Variants in KIAA1217 observed in about 807,000 individuals in gnomAD.
KIAA1217 encodes the protein KIAA1217.
Under a neutral mutation model 163.9 loss-of-function variants are expected in KIAA1217, and 88 were observed. The ratio of observed to expected loss-of-function variants is 0.54; its 90% CI spans 0.45 to 0.64. KIAA1217 has a LOEUF of 0.64. Ranked by LOEUF, KIAA1217 falls within the 30% of genes least tolerant of loss-of-function variation. The pLI, the probability that KIAA1217 is intolerant of heterozygous loss-of-function variation, is 0.00. For synonymous variants in KIAA1217, 903 were observed against 923.1 expected (o/e 0.98, Z 0.39); for missense variants, 2,372 against 2,475.0 (o/e 0.96, Z 0.88).
At chr10:24,015,388 G>T (rs1315681279) in intron 2 of KIAA1217, among the ~76,000 whole-genome samples, 4 of 152,042 alleles carry the variant, frequency 2.6e-5, no homozygotes, top group Non-Finnish European at 4.4e-5. Flanking sequence ...CTTCCATGTT[G>T]CAGCCTCCTC....
chr10:24,501,940 G>A (rs958060410), intron 9 of KIAA1217, among the ~76,000 whole-genome samples: 4 of 151,660 alleles, frequency 2.6e-5, no homozygotes, highest in Non-Finnish European at 4.4e-5. Context: ...TAGTAGAGAC[G>A]GGGTTTCACC....
intron 2 of KIAA1217, among the ~76,000 whole-genome samples, chr10:24,109,896 C>T (rs183666940): frequency 1.5e-3 from 225 of 152,342 alleles, no homozygotes; most frequent in Non-Finnish European, 1.6e-3. Context: ...GACAACGTCT[C>T]GCTCTGTTGC....
chr10:24,434,027 T>C (rs12248570), intron 4 of KIAA1217, among the ~76,000 whole-genome samples: 247 of 26,868 alleles, frequency 9.2e-3, no homozygotes, highest in African/African-American at 0.073. Context: ...CTCTCTCTCT[T>C]TTTTTTTTTT....
intron 2 of KIAA1217, among the ~76,000 whole-genome samples, chr10:24,151,296 A>G (rs2064601468): frequency 6.6e-6 from 1 of 151,844 alleles, no homozygotes; most frequent in African/African-American, 2.4e-5. Context: ...ATCTCATTGA[A>G]TCTTTATTTT....
chr10:23,883,799 C>G (rs1841056555), intron 1 of KIAA1217, among the ~76,000 whole-genome samples: 1 of 151,924 alleles, frequency 6.6e-6, no homozygotes, highest in Non-Finnish European at 1.5e-5. Context: ...CCCCCCAACT[C>G]TTGACAACAA....
At chr10:24,345,598 T>C (rs1202386399) in intron 2 of KIAA1217, among the ~76,000 whole-genome samples, 2 of 152,236 alleles carry the variant, frequency 1.3e-5, no homozygotes, top group Non-Finnish European at 2.9e-5. Context: ...AAGACTTAAC[T>C]GTGACTAAAT....
chr10:23,841,917 G>C (rs896404171), intron 1 of KIAA1217, among the ~76,000 whole-genome samples: 4 of 150,964 alleles, frequency 2.6e-5, no homozygotes, highest in African/African-American at 9.8e-5. Flanking sequence ...ACCTAGGCTG[G>C]AGTTCACTGG....
At chr10:24,074,291 G>A (rs532365246) in intron 2 of KIAA1217, among the ~76,000 whole-genome samples, 24 of 152,258 alleles carry the variant, frequency 1.6e-4, no homozygotes, top group Middle Eastern at 6.8e-3. Context: ...GAATGTTGCA[G>A]TGAGCTGAGA....
intron 1 of KIAA1217, among the ~76,000 whole-genome samples, chr10:23,759,872 A>G (rs1027126164): frequency 2.0e-5 from 3 of 152,310 alleles, no homozygotes; most frequent in South Asian, 2.1e-4. Context: ...GTTTGTTTCT[A>G]TATCCACACC....
chr10:24,163,001 A>C (rs1350536131), intron 2 of KIAA1217, among the ~76,000 whole-genome samples: 1 of 152,212 alleles, frequency 6.6e-6, no homozygotes, highest in Non-Finnish European at 1.5e-5. Context: ...TCCATCTTGG[A>C]AATGACATGG....
At chr10:23,730,204 A>G (rs11816806) in intron 1 of KIAA1217, among the ~76,000 whole-genome samples, 4,163 of 152,256 alleles carry the variant, frequency 0.027, 183 homozygotes, top group African/African-American at 0.091. Context: ...CCCGGCTTCT[A>G]TGAATTTTAA....
intron 6 of KIAA1217, 29 bp from the exon 7 acceptor site, chr10:24,494,471 C>A (rs770270398): frequency 6.4e-7 from 1 of 1,571,608 alleles, no homozygotes; most frequent in Non-Finnish European, 8.8e-7. Flanking sequence ...GTCCATAAAG[C>A]TTTAACAAAC....
intron 2 of KIAA1217, among the ~76,000 whole-genome samples, chr10:24,015,302 C>CAATGAAGATTT (rs771785485): frequency 5.3e-5 from 8 of 152,108 alleles, no homozygotes; most frequent in Non-Finnish European, 1.0e-4. Context: ...TAGCTTAAAA[C>CAATGAAGATTT]AATGAAGATT....
intron 1 of KIAA1217, among the ~76,000 whole-genome samples, chr10:23,856,555 A>T (rs1839678148): frequency 6.6e-6 from 1 of 152,202 alleles, no homozygotes; most frequent in Non-Finnish European, 1.5e-5. Context: ...TGTCAGGGAC[A>T]TTTAAGTCTG....
intron 2 of KIAA1217, among the ~76,000 whole-genome samples, chr10:24,114,507 C>T (rs1300351519): frequency 6.6e-6 from 1 of 152,186 alleles, no homozygotes; most frequent in African/African-American, 2.4e-5. Context: ...ACTCAACAGA[C>T]AGCTGGCAGA....
chr10:23,703,604 A>T (rs184741729), intron 1 of KIAA1217, among the ~76,000 whole-genome samples: 29 of 152,344 alleles, frequency 1.9e-4, no homozygotes, highest in Admixed American at 1.7e-3. Context: ...TGACTTAAAA[A>T]GTCTTAAAAA....
At chr10:24,108,826 CTTTGT>C (rs1004375976) in intron 2 of KIAA1217, among the ~76,000 whole-genome samples, 3 of 152,004 alleles carry the variant, frequency 2.0e-5, no homozygotes, top group Non-Finnish European at 4.4e-5. Flanking sequence ...GTTCTCAAAA[CTTTGT>C]TTTGTTTTGT....
At chr10:24,408,021 T>C (rs965073500) in intron 3 of KIAA1217, among the ~76,000 whole-genome samples, 7 of 152,176 alleles carry the variant, frequency 4.6e-5, no homozygotes, top group African/African-American at 1.7e-4. Flanking sequence ...TGAGAGGTCA[T>C]ATAGCATGTG....
intron 2 of KIAA1217, among the ~76,000 whole-genome samples, chr10:24,262,125 G>A (rs971012194): frequency 1.3e-5 from 2 of 152,170 alleles, no homozygotes; most frequent in Non-Finnish European, 2.9e-5. Flanking sequence ...GGAAGAGAAA[G>A]CTAAAGGGGA....
Sources: allele counts gnomAD v4.1 joint callset (sites outside exome capture counted in the v4.1 genomes callset), GRCh38; gene constraint gnomAD v4.1.1; transcripts MANE v1.5; gene names NCBI Gene and HGNC (gene_info 2026-07-23, HGNC 2026-07-21).